Variants in TFEB observed in about 807,000 individuals in gnomAD.
The protein encoded by TFEB is transcription factor EB, also known as T-cell transcription factor EB.
In TFEB, 12 loss-of-function variants were observed where a neutral mutation model predicts 48.0. That is an observed-to-expected ratio of 0.25 (90% confidence interval 0.16 to 0.40). The LOEUF is 0.40. TFEB is among the 10% of genes least tolerant of loss of function. TFEB has a pLI of 1.00. For missense variants in TFEB, 509 were observed against 640.3 expected, an observed-to-expected ratio of 0.79 and a Z score of 2.21; for synonymous variants, 244 against 261.4, an observed-to-expected ratio of 0.93 and a Z score of 0.64.
chr6:41,689,894 G>T (rs1351819239), intron 3 of TFEB, 83 bp from the exon 4 acceptor site: 13 of 1,111,936 alleles, frequency 1.2e-5, no homozygotes, highest in Admixed American at 1.9e-5. Context: ...CACTGACCTG[G>T]AGGGACCTTG....
chr6:41,734,790 T>C lies in TFEB; in HGVS notation c.-23+560A>G. ...GGGACGGGAAGGGAGGGAGAGATGG[T>C]ACTTCCACCCGCCCCCCCATCAGCC... On this transcript the variant is annotated intron_variant, in intron 1 of 8. Transcript: ENST00000373033. This position sits in a 1 kb window ranked among gnomAD's most constrained non-coding sequence, Gnocchi z 4.0. The C allele has an allele frequency of 2.8e-6, 2 of 712,950 alleles. No homozygotes were observed. Among genetic ancestry groups the C allele is most frequent in the Non-Finnish European group, 3.4e-6 (2 of 580,830 alleles). 44.2% of individuals were successfully genotyped at this position (712,950 alleles called of 1,614,324 possible).
intron 1 of TFEB, among the ~76,000 whole-genome samples, chr6:41,696,158 C>T (rs753474151): frequency 1.3e-5 from 2 of 152,330 alleles, no homozygotes; most frequent in South Asian, 2.1e-4. Context: ...TGTCAGCTGA[C>T]GCCAGTCCAT....
At chr6:41,728,830 G>A (rs1037806005) in intron 1 of TFEB, among the ~76,000 whole-genome samples, 7 of 152,120 alleles carry the variant, frequency 4.6e-5, no homozygotes, top group African/African-American at 9.7e-5. Flanking sequence ...ACCTGTGGGC[G>A]AGGCCCCTGG....
chr6:41,731,240 C>A (rs2127278230), intron 1 of TFEB, among the ~76,000 whole-genome samples: 1 of 152,246 alleles, frequency 6.6e-6, no homozygotes, highest in South Asian at 2.1e-4. Context: ...TGGGGTTAAG[C>A]AGCTTGCCGA....
In TFEB at chr6:41,684,749, G is replaced by A. The variant is rs1474334941; in HGVS notation, c.1281C>T (p.Ser427=). Residue 427 remains serine (S), a synonymous_variant, in exon 9 of 9, where the codon AGC becomes AGT. Coordinates refer to ENST00000373033, the MANE Select transcript of TFEB (RefSeq NM_001271944.2). ...TGAGGTCCAGATCCTTCTTGGACAG[G>A]CTGGGGAATGGGGAGCCATGCCCCG... ...LAPGHGSPFP[S]LSKKDLDLML... The A allele has an allele frequency of 5.0e-6, 8 of 1,613,310 alleles. No homozygotes were observed. The highest frequency in any genetic ancestry group is 6.8e-6 in the Non-Finnish European group (8 of 1,179,768).
intron 1 of TFEB, among the ~76,000 whole-genome samples, chr6:41,701,168 C>T (rs918001552): frequency 3.9e-5 from 6 of 152,262 alleles, no homozygotes; most frequent in African/African-American, 1.4e-4. Flanking sequence ...TGTCCATGTG[C>T]ACACACGTGT....
intron 1 of TFEB, among the ~76,000 whole-genome samples, chr6:41,727,900 T>C (rs921299544): frequency 6.6e-6 from 1 of 152,128 alleles, no homozygotes; most frequent in African/African-American, 2.4e-5. Context: ...TCCAGCAGCC[T>C]CTAGTCCTCC....
Position 41,686,921 on chromosome 6 carries a change from C to T in TFEB, c.803+173G>A. 7.6e-6 allele frequency: 5 copies of T among 658,250 alleles called. No homozygotes were observed. In the South Asian group the frequency reaches 9.0e-5, roughly 12 times the overall value. 40.8% of individuals were successfully genotyped at this position (658,250 alleles called of 1,614,324 possible). Reference sequence around the variant, plus strand: ...AGGACAGAAACTCATCTGTCTTGAGCTTTCCTGATTCTTTCCTGATTTGGG... The same window carrying T: ...AGGACAGAAACTCATCTGTCTTGAGTTTTCCTGATTCTTTCCTGATTTGGG... On this transcript the variant is annotated intron_variant, in intron 7 of 8. Transcript: ENST00000373033.
In TFEB at chr6:41,684,698, C is replaced by A. The variant is rs1333587131; in HGVS notation, c.1332G>T (p.Pro444=). The change falls in exon 9 of 9, where the codon CCG becomes CCT. Residue 444 remains proline, a synonymous_variant. Transcript: ENST00000373033. ...TGGACAGAAGTGGATCAGAGGCCAGCGGTAGCAGTGAGTCGTCCAGGAGCA... is the reference window on the plus strand; with the variant it reads ...TGGACAGAAGTGGATCAGAGGCCAGAGGTAGCAGTGAGTCGTCCAGGAGCA... ...DLMLLDDSLL[P]LASDPLLSTM... The A allele has an allele frequency of 6.2e-7, 1 of 1,613,664 alleles. No individual in the cohort carries two copies. Among genetic ancestry groups the A allele is most frequent in the East Asian group, 2.2e-5 (1 of 44,868 alleles).
At chr6:41,686,398 C>T in intron 7 of TFEB, 161 bp from the exon 8 acceptor site, 1 of 840,716 alleles carries the variant, frequency 1.2e-6, no homozygotes, top group Non-Finnish European at 1.8e-6. Flanking sequence ...ACAGAATGGG[C>T]CCTCCTGGTG....
At chr6:41,727,058 GC>G (rs937466500) in intron 1 of TFEB, among the ~76,000 whole-genome samples, 2 of 151,976 alleles carry the variant, frequency 1.3e-5, no homozygotes, top group African/African-American at 4.8e-5. Flanking sequence ...TCTTTCACCC[GC>G]CACCCCGCCC....
At chr6:41,732,840 AT>A in intron 1 of TFEB, 1 of 985,770 alleles carries the variant, frequency 1.0e-6, no homozygotes, top group Non-Finnish European at 1.2e-6. Flanking sequence ...GGCCAACCCA[AT>A]TTCCATGGTC....
At chr6:41,719,473 G>T (rs757443442) in intron 1 of TFEB, among the ~76,000 whole-genome samples, 32 of 152,088 alleles carry the variant, frequency 2.1e-4, no homozygotes, top group African/African-American at 3.1e-4. Context: ...TTCACTGAAG[G>T]TCTCCTTCAG....
intron 4 of TFEB, among the ~76,000 whole-genome samples, chr6:41,689,421 C>T (rs992477183): frequency 6.6e-6 from 1 of 152,186 alleles, no homozygotes; most frequent in Non-Finnish European, 1.5e-5. Context: ...CCATGCAGTG[C>T]TCTCCCTGCC....
chr6:41,714,619 C>T (rs1432625041), intron 1 of TFEB, among the ~76,000 whole-genome samples: 1 of 152,204 alleles, frequency 6.6e-6, no homozygotes, highest in Non-Finnish European at 1.5e-5. Context: ...CAGGGCCTTT[C>T]TGCCCATATC....
chr6:41,687,536 C>G (rs1769073829), intron 6 of TFEB, among the ~76,000 whole-genome samples: 1 of 152,226 alleles, frequency 6.6e-6, no homozygotes, highest in Non-Finnish European at 1.5e-5. Context: ...TTACAGGAAT[C>G]CTTCCTACCC....
intron 1 of TFEB, chr6:41,733,942 A>ACCCGCCCT: frequency 1.0e-6 from 1 of 952,924 alleles, no homozygotes; most frequent in Non-Finnish European, 1.2e-6. Context: ...AATCTCGGCC[A>ACCCGCCCT]GGGCGGGTGC....
intron 1 of TFEB, among the ~76,000 whole-genome samples, chr6:41,709,661 G>T (rs1214343464): frequency 1.3e-5 from 2 of 152,148 alleles, no homozygotes; most frequent in African/African-American, 4.8e-5. Context: ...TATAATGGAT[G>T]AAAAGGTGGA....
intron 7 of TFEB, 53 bp downstream of exon 7, chr6:41,687,041 G>T: frequency 6.7e-7 from 1 of 1,502,020 alleles, no homozygotes; most frequent in Non-Finnish European, 9.3e-7. Flanking sequence ...GATAATACTT[G>T]TCAGCTGCTG....
Sources: gnomAD v4.1 joint callset for allele counts (sites outside exome capture counted in the v4.1 genomes callset) on GRCh38, gnomAD v4.1.1 for gene constraint, Gnocchi (gnomAD v3.1) non-coding constraint, MANE v1.5 for transcripts, NCBI Gene and HGNC (gene_info 2026-07-23, HGNC 2026-07-21) for gene names.